Variants in FRMPD1 observed in about 807,000 individuals in gnomAD.
FRMPD1 encodes the protein FERM and PDZ domain-containing protein 1.
A neutral mutation model predicts 117.8 loss-of-function variants in FRMPD1; 76 were observed. The ratio of observed to expected loss-of-function variants is 0.65; its 90% CI spans 0.54 to 0.78. The LOEUF (loss-of-function observed/expected upper bound fraction) is 0.78, where lower values mean the gene tolerates loss of function less well. FRMPD1 is among the 30% of genes least tolerant of loss of function. The pLI is 0.00. For synonymous variants in FRMPD1, 783 were observed against 770.4 expected (o/e 1.02, Z -0.27); for missense variants, 1,786 against 1,964.5 (o/e 0.91, Z 1.72).
At chr9:37,707,107 T>C (rs541622081) in intron 2 of FRMPD1, among the ~76,000 whole-genome samples, 1 of 152,302 alleles carries the variant, frequency 6.6e-6, no homozygotes, top group South Asian at 2.1e-4. Context: ...ACCAGATGCG[T>C]CCCTGATTCC....
In FRMPD1 at chr9:37,744,870, C is replaced by T; in HGVS notation, c.2838C>T (p.Phe946=). Residue 946 remains phenylalanine, a synonymous_variant, in exon 16 of 16, where the codon TTC becomes TTT. Coordinates refer to ENST00000377765, the MANE Select transcript of FRMPD1 (RefSeq NM_014907.3). ...SRVSSISAIR[F]RIDPNNKENS... Reference sequence around the variant, plus strand: ...TGTCTTCTATTTCTGCCATTCGCTTCCGGATTGACCCCAACAATAAAGAGA... The same window carrying T: ...TGTCTTCTATTTCTGCCATTCGCTTTCGGATTGACCCCAACAATAAAGAGA... 1 of 1,614,176 alleles carries T rather than the reference C, an allele frequency of 6.2e-7. No homozygotes were observed. Among genetic ancestry groups the T allele is most frequent in the Non-Finnish European group, 8.5e-7 (1 of 1,180,012 alleles).
chr9:37,618,592 G>T, the FRMPD1 span, among the ~76,000 whole-genome samples: 3 of 152,248 alleles, frequency 2.0e-5, no homozygotes, highest in South Asian at 6.2e-4. Context: ...TACCTTACAA[G>T]TATTGAAAGC....
chr9:37,641,854 G>T, the FRMPD1 span, among the ~76,000 whole-genome samples: 17,809 of 152,152 alleles, frequency 0.12, 1,132 homozygotes, highest in East Asian at 0.18. Context: ...CTCTGCTTAT[G>T]CCTGTACTCT....
At chr9:37,725,926 T>C (rs1297359236) in intron 7 of FRMPD1, among the ~76,000 whole-genome samples, 2 of 152,260 alleles carry the variant, frequency 1.3e-5, no homozygotes, top group African/African-American at 4.8e-5. Context: ...ACAAGAGTTC[T>C]ACTTTCATCA....
At position 37,707,469 on chromosome 9, in the gene FRMPD1, T is replaced by C; in HGVS notation, c.155T>C (p.Ile52Thr). Reference protein sequence around the residue: ...GPARNPTQTLIPVRHTVKIDK... With the variant: ...GPARNPTQTLTPVRHTVKIDK... ...GCCAGGAACCCAACTCAGACCCTCA[T>C]CCCTGTGCGACACACAGTAAAGATA... Residue 52 changes from isoleucine (I) to threonine (T), a missense_variant, in exon 3 of 16, where the codon ATC becomes ACC. Transcript: ENST00000377765. 1 of 1,613,972 alleles carries C rather than the reference T, an allele frequency of 6.2e-7. No homozygotes were observed. Among genetic ancestry groups the C allele is most frequent in the Non-Finnish European group, 8.5e-7 (1 of 1,179,896 alleles).
chr9:37,655,967 G>A (rs1224872394), intron 1 of FRMPD1, among the ~76,000 whole-genome samples: 1 of 152,106 alleles, frequency 6.6e-6, no homozygotes, highest in Admixed American at 6.5e-5. Context: ...CCTCATCCCA[G>A]GGATTTCACT....
upstream of FRMPD1, among the ~76,000 whole-genome samples, chr9:37,649,598 C>T (rs1258896054): frequency 6.6e-6 from 1 of 152,210 alleles, no homozygotes; most frequent in Non-Finnish European, 1.5e-5. Flanking sequence ...AGGAGGAGCA[C>T]CTGCCTTCAT....
At chr9:37,724,618 C>G (rs952998808) in intron 7 of FRMPD1, among the ~76,000 whole-genome samples, 1 of 152,198 alleles carries the variant, frequency 6.6e-6, no homozygotes, top group African/African-American at 2.4e-5. Flanking sequence ...CCATAACCAC[C>G]AGGCTTCCCT....
chr9:37,666,278 A>G (rs10814593), intron 1 of FRMPD1, among the ~76,000 whole-genome samples: 22,048 of 152,090 alleles, frequency 0.14, 2,197 homozygotes, highest in East Asian at 0.47. Context: ...ACTAACACTT[A>G]TTGAGTGTCT....
the FRMPD1 span, among the ~76,000 whole-genome samples, chr9:37,606,714 A>G: frequency 6.6e-6 from 1 of 152,242 alleles, no homozygotes; most frequent in Non-Finnish European, 1.5e-5. Context: ...CAGATACAGG[A>G]TAGAAATTTA....
chr9:37,633,031 A>ATATT, the FRMPD1 span, among the ~76,000 whole-genome samples: 18 of 145,744 alleles, frequency 1.2e-4, no homozygotes, highest in South Asian at 6.4e-4. Flanking sequence ...ATATATATAT[A>ATATT]TTTTTCTTTT....
Position 37,729,837 on chromosome 9 carries a change from A to C in FRMPD1, c.722A>C (p.Glu241Ala), listed in dbSNP as rs1823787873. ...SISRLHLLHE[E>A]ELIQQVVERE... ...TCCCGGCTGCACCTGCTGCACGAAG[A>C]GGAACTCATCCAGCAGGTAGGGAGG... The change falls in exon 8 of 16, where the codon GAG becomes GCG. Residue 241 changes from glutamate (E) to alanine (A), a missense_variant. Coordinates refer to ENST00000377765, the MANE Select transcript of FRMPD1 (RefSeq NM_014907.3). 3 of 1,613,678 alleles carry C rather than the reference A, an allele frequency of 1.9e-6. No individual in the cohort carries two copies. Among genetic ancestry groups the C allele is most frequent in the African/African-American group, 2.7e-5 (2 of 74,886 alleles).
At chr9:37,708,343 CA>C in intron 3 of FRMPD1, 55 bp from the exon 4 acceptor site, 1 of 1,058,954 alleles carries the variant, frequency 9.4e-7, no homozygotes. Flanking sequence ...CGCTATTACA[CA>C]TAGAGTCTGG....
At chr9:37,637,175 G>A in the FRMPD1 span, 3 of 1,609,954 alleles carry the variant, frequency 1.9e-6, no homozygotes, top group African/African-American at 2.7e-5. Context: ...CACCCCGATG[G>A]TGCTGATGTA....
chr9:37,689,710 T>G (rs762114384), intron 1 of FRMPD1, among the ~76,000 whole-genome samples: 17 of 152,206 alleles, frequency 1.1e-4, no homozygotes, highest in Non-Finnish European at 2.4e-4. Flanking sequence ...TGAGAAAGGA[T>G]GTGTGAAAGG....
At chr9:37,604,686 C>G in the FRMPD1 span, among the ~76,000 whole-genome samples, 1 of 152,168 alleles carries the variant, frequency 6.6e-6, no homozygotes, top group Non-Finnish European at 1.5e-5. Context: ...TCCTGATGGA[C>G]AAGGCACCAG....
rs746113446 is a variant in FRMPD1 at position 37,740,848 on chromosome 9, G to A, written c.2320G>A (p.Ala774Thr). ...CAGCTCAGATGAGGAATACTATGACGCGGCTGATAAGCTCACTCCCCCAGG... is the reference window on the plus strand; with the variant it reads ...CAGCTCAGATGAGGAATACTATGACACGGCTGATAAGCTCACTCCCCCAGG... ...DGSSDEEYYD[A>T]ADKLTPPGPP... Residue 774 changes from alanine to threonine, a missense_variant, in exon 15 of 16, where the codon GCG becomes ACG. Ala to Thr is a moderately conservative substitution (Grantham distance 58). Coordinates refer to ENST00000377765, the MANE Select transcript of FRMPD1 (RefSeq NM_014907.3). This position sits in a 1 kb window ranked among gnomAD's most constrained non-coding sequence, Gnocchi z 4.2. 1.1e-5 allele frequency: 18 copies of A among 1,613,984 alleles called. No homozygotes were observed. The highest frequency in any genetic ancestry group is 8.0e-5 in the African/African-American group (6 of 74,920).
intron 1 of FRMPD1, among the ~76,000 whole-genome samples, chr9:37,663,637 C>A (rs192134915): frequency 6.6e-6 from 1 of 152,222 alleles, no homozygotes; most frequent in African/African-American, 2.4e-5. Context: ...AACCTCGTGA[C>A]TTTGCCTCTC....
rs143709807 is a variant in FRMPD1, at chr9:37,744,970, G to C, written c.2938G>C (p.Asp980His). 1.2e-6 allele frequency: 2 copies of C among 1,614,090 alleles called. No individual in the cohort carries two copies. Among genetic ancestry groups the C allele is most frequent in the Non-Finnish European group, 1.7e-6 (2 of 1,180,050 alleles). ...TTCTAACCCAGGTTCATCTGGCCCA[G>C]ATACTGCTCAGGCAAGGCCTTCCCA... Reference protein sequence around the residue: ...HCSNPGSSGPDTAQARPSQIL... With the variant: ...HCSNPGSSGPHTAQARPSQIL... The change falls in exon 16 of 16, where the codon GAT (aspartate) becomes CAT (histidine). Residue 980 changes from aspartate (D) to histidine (H), a missense_variant. Transcript: ENST00000377765.
Sources: gnomAD v4.1 joint callset for allele counts (sites outside exome capture counted in the v4.1 genomes callset) on GRCh38, gnomAD v4.1.1 for gene constraint, Gnocchi (gnomAD v3.1) non-coding constraint, MANE v1.5 for transcripts, NCBI Gene and HGNC (gene_info 2026-07-23, HGNC 2026-07-21) for gene names.